The following SLC35D4 variants were observed in gnomAD, a reference collection of about 807,000 sequenced individuals.
SLC35D4 encodes UDP-N-acetylglucosamine transporter SLC35D4.
chr18:23,267,799 A>G, the SLC35D4 span, among the ~76,000 whole-genome samples: 1 of 152,038 alleles, frequency 6.6e-6, no homozygotes, highest in African/African-American at 2.4e-5. Context: ...CCATCTTGTC[A>G]CACAGCCCCT....
chr18:23,415,186 T>G, the SLC35D4 span, among the ~76,000 whole-genome samples: 1 of 152,236 alleles, frequency 6.6e-6, no homozygotes, highest in South Asian at 2.1e-4. Flanking sequence ...TGTTCATTTC[T>G]TTATAAACAG....
chr18:23,243,495 TTTTG>T, the SLC35D4 span, among the ~76,000 whole-genome samples: 1 of 151,074 alleles, frequency 6.6e-6, no homozygotes, highest in Non-Finnish European at 1.5e-5. Context: ...TTTTTGGTCT[TTTTG>T]TTGTTGTTAA....
At chr18:23,322,920 T>G in the SLC35D4 span, among the ~76,000 whole-genome samples, 2 of 152,218 alleles carry the variant, frequency 1.3e-5, no homozygotes, top group Non-Finnish European at 2.9e-5. Flanking sequence ...CTTCTTGGTT[T>G]CATTTAACTT....
At chr18:23,430,495 T>A in the SLC35D4 span, 2 of 639,570 alleles carry the variant, frequency 3.1e-6, no homozygotes, top group African/African-American at 3.7e-5. Context: ...TAAATGTCTG[T>A]TAATAAGGCG....
At chr18:23,239,248 A>T in the SLC35D4 span, among the ~76,000 whole-genome samples, 987 of 152,288 alleles carry the variant, frequency 6.5e-3, 22 homozygotes, top group East Asian at 0.073. Flanking sequence ...GATGTTCCCA[A>T]GTGGATCATT....
the SLC35D4 span, among the ~76,000 whole-genome samples, chr18:23,382,384 T>G: frequency 6.6e-6 from 1 of 152,122 alleles, no homozygotes; most frequent in African/African-American, 2.4e-5. Context: ...AGTGACTCTT[T>G]AGCTCAGTCC....
the SLC35D4 span, among the ~76,000 whole-genome samples, chr18:23,360,091 A>G: frequency 6.6e-6 from 1 of 152,320 alleles, no homozygotes; most frequent in South Asian, 2.1e-4. Flanking sequence ...CTCAGTCAAA[A>G]GCACTATCCA....
the SLC35D4 span, among the ~76,000 whole-genome samples, chr18:23,431,862 A>G: frequency 6.6e-6 from 1 of 152,234 alleles, no homozygotes; most frequent in Non-Finnish European, 1.5e-5. Context: ...GTCTAAAACC[A>G]TTAAACGGCT....
the SLC35D4 span, among the ~76,000 whole-genome samples, chr18:23,432,244 G>GA: frequency 6.6e-6 from 1 of 152,156 alleles, no homozygotes; most frequent in Non-Finnish European, 1.5e-5. Context: ...CATACTGGAG[G>GA]AAATCAAAGA....
the SLC35D4 span, among the ~76,000 whole-genome samples, chr18:23,398,114 G>C: frequency 1.3e-5 from 2 of 152,150 alleles, no homozygotes; most frequent in Admixed American, 1.3e-4. Context: ...TCTGGGACTA[G>C]AGGCAAGTTT....
chr18:23,308,398 A>G, the SLC35D4 span, among the ~76,000 whole-genome samples: 1 of 152,140 alleles, frequency 6.6e-6, no homozygotes, highest in Admixed American at 6.5e-5. Flanking sequence ...ACCAATGCCC[A>G]GTACGCCTCC....
At chr18:23,265,285 A>C in the SLC35D4 span, among the ~76,000 whole-genome samples, 1 of 152,084 alleles carries the variant, frequency 6.6e-6, no homozygotes, top group Non-Finnish European at 1.5e-5. Context: ...CACCCCAGCC[A>C]AGGGGCCCTG....
At chr18:23,364,918 A>G in the SLC35D4 span, among the ~76,000 whole-genome samples, 60 of 3,952 alleles carry the variant, frequency 0.015, 7 homozygotes, top group Non-Finnish European at 0.045. Flanking sequence ...AAAAAAAAAA[A>G]AAAAAAAAAA....
At chr18:23,393,733 T>C in the SLC35D4 span, among the ~76,000 whole-genome samples, 2 of 152,200 alleles carry the variant, frequency 1.3e-5, no homozygotes, top group South Asian at 4.1e-4. Flanking sequence ...TTCTCCTGCC[T>C]CAGCCTCCCA....
the SLC35D4 span, among the ~76,000 whole-genome samples, chr18:23,431,681 G>A: frequency 4.2e-3 from 642 of 151,660 alleles, 5 homozygotes; most frequent in African/African-American, 0.015. Flanking sequence ...AGCATGTTAC[G>A]GACTTTTTTT....
At chr18:23,351,437 AAC>A in the SLC35D4 span, among the ~76,000 whole-genome samples, 499 of 130,040 alleles carry the variant, frequency 3.8e-3, no homozygotes, top group Non-Finnish European at 5.1e-3. Context: ...CAAAAACAAA[AAC>A]AAAAAAATGC....
the SLC35D4 span, among the ~76,000 whole-genome samples, chr18:23,394,429 T>C: frequency 6.6e-6 from 1 of 152,256 alleles, no homozygotes; most frequent in Non-Finnish European, 1.5e-5. Flanking sequence ...TTAAGTTTTA[T>C]GAGTTCTCTA....
chr18:23,309,862 G>T, the SLC35D4 span: 21 of 955,138 alleles, frequency 2.2e-5, no homozygotes, highest in Non-Finnish European at 3.2e-5. Flanking sequence ...CAGGCACTTC[G>T]TTCCACTTCC....
chr18:23,275,550 C>G, the SLC35D4 span, among the ~76,000 whole-genome samples: 13 of 151,926 alleles, frequency 8.6e-5, no homozygotes, highest in Non-Finnish European at 1.8e-4. Context: ...GTAAATGGAG[C>G]GGGACAGGTC....
Sources: gnomAD v4.1 joint callset for allele counts (sites outside exome capture counted in the v4.1 genomes callset) on GRCh38, gnomAD v4.1.1 for gene constraint, MANE v1.5 for transcripts, NCBI Gene and HGNC (gene_info 2026-07-23, HGNC 2026-07-21) for gene names.